LRRC7: variants seen among roughly 807,000 people sequenced by gnomAD.
LRRC7 encodes leucine-rich repeat-containing protein 7.
In LRRC7, 23 loss-of-function variants were observed where a neutral mutation model predicts 175.7. The observed-to-expected ratio is 0.13, with a 90% CI of 0.09 to 0.19. LRRC7 has a LOEUF of 0.19. Among genes scored for constraint, LRRC7 ranks in the 10% least tolerant of loss-of-function variants. The pLI, the probability that LRRC7 is intolerant of heterozygous loss-of-function variation, is 1.00. For missense variants in LRRC7, 1,354 were observed against 1,904.7 expected (o/e 0.71, Z 5.38); for synonymous variants, 685 against 680.9 (o/e 1.01, Z -0.09).
chr1:69,835,163 T>C (rs1322913293), intron 6 of LRRC7, among the ~76,000 whole-genome samples: 1 of 151,908 alleles, frequency 6.6e-6, no homozygotes, highest in African/African-American at 2.4e-5. Flanking sequence ...TATTTATGGC[T>C]CTTTTGTTGA....
chr1:69,628,924 A>G (rs1488414007), intron 1 of LRRC7, among the ~76,000 whole-genome samples: 1 of 152,184 alleles, frequency 6.6e-6, no homozygotes, highest in Non-Finnish European at 1.5e-5. Context: ...ATGGGCAGGA[A>G]AATGAATCTA....
intron 1 of LRRC7, among the ~76,000 whole-genome samples, chr1:69,646,122 C>T (rs1296479435): frequency 6.6e-6 from 1 of 151,852 alleles, no homozygotes; most frequent in Non-Finnish European, 1.5e-5. Flanking sequence ...GAGCTTACTC[C>T]CTTTTTTTCA....
intron 3 of LRRC7, among the ~76,000 whole-genome samples, chr1:69,786,094 A>T (rs1674378595): frequency 6.6e-6 from 1 of 152,082 alleles, no homozygotes; most frequent in African/African-American, 2.4e-5. Flanking sequence ...TGATTTTTTT[A>T]AATGATGTTA....
At chr1:69,680,588 G>A (rs1393026319) in intron 2 of LRRC7, among the ~76,000 whole-genome samples, 1 of 151,584 alleles carries the variant, frequency 6.6e-6, no homozygotes, top group Non-Finnish European at 1.5e-5. Flanking sequence ...CTCTTGCATA[G>A]AGGTCTTTAT....
chr1:69,848,253 A>G (rs909685741), intron 7 of LRRC7, among the ~76,000 whole-genome samples: 1 of 152,048 alleles, frequency 6.6e-6, no homozygotes, highest in African/African-American at 2.4e-5. Flanking sequence ...TATCTTGAAT[A>G]TATTAGCTGA....
chr1:70,113,057 G>A (rs544604155), intron 26 of LRRC7, among the ~76,000 whole-genome samples: 7 of 152,254 alleles, frequency 4.6e-5, no homozygotes, highest in African/African-American at 1.7e-4. Context: ...GGGAGACAGC[G>A]AGCAAGATAT....
At chr1:69,911,658 G>A (rs1646535126) in intron 7 of LRRC7, among the ~76,000 whole-genome samples, 1 of 152,164 alleles carries the variant, frequency 6.6e-6, no homozygotes, top group Non-Finnish European at 1.5e-5. Flanking sequence ...AGTTGCAAAA[G>A]AAATTTGGAT....
rs1477399091 is a variant in LRRC7 at position 70,143,193 on chromosome 1, T to G, written c.*21306T>G. 2.6e-5 allele frequency: 4 copies of G among 151,622 alleles called. No homozygotes were observed. The highest frequency in any genetic ancestry group is 5.9e-5 in the Non-Finnish European group (4 of 67,896). The allele number at this position is 151,622 out of a possible 1,614,324, so 9.4% of individuals were successfully genotyped here. On this transcript the variant is annotated 3_prime_UTR_variant, in exon 27 of 27. Coordinates refer to ENST00000651989, the MANE Select transcript of LRRC7 (RefSeq NM_001370785.2). The stretch of plus-strand genomic sequence containing the variant: ...CGCTATTTTAGTAAAATGAAGAGTC[T>G]CTAGACTTTTTTTTTTTTTTTAATG...
rs1664212103 is a variant in LRRC7, at chr1:70,093,960, G to A, written c.4545+4141G>A. Among the ~76,000 whole-genome samples, 2 of 152,168 alleles carry A rather than the reference G, an allele frequency of 1.3e-5. 1 individual carries two copies. The highest frequency in any genetic ancestry group is 2.9e-5 in the Non-Finnish European group (2 of 68,026). On this transcript the variant is annotated intron_variant, in intron 25 of 26. Transcript: ENST00000651989. The stretch of plus-strand genomic sequence containing the variant: ...ATTTTATAAGGCAACCCAGGACTCT[G>A]CAAATGAGAGAATTTTTAATGATGC...
rs952311685 is a variant in LRRC7 at position 70,127,760 on chromosome 1, C to A, written c.*5873C>A. Among the ~76,000 whole-genome samples the A allele has an allele frequency of 6.6e-6, 1 of 152,148 alleles. No homozygotes were observed. Among genetic ancestry groups the A allele is most frequent in the East Asian group, 1.9e-4 (1 of 5,190 alleles). On this transcript the variant is annotated 3_prime_UTR_variant, in exon 27 of 27. Transcript: ENST00000651989. Reference sequence around the variant, plus strand: ...TGTGCCTAATTTTGTTATGGCAGCACCTCAAAAGGTGGAAGGTTGTGAAAT... The same window carrying A: ...TGTGCCTAATTTTGTTATGGCAGCAACTCAAAAGGTGGAAGGTTGTGAAAT...
chr1:70,031,861 C>T (rs915373709), intron 18 of LRRC7, among the ~76,000 whole-genome samples: 1 of 150,862 alleles, frequency 6.6e-6, no homozygotes, highest in African/African-American at 2.4e-5. Context: ...TGCAGTGGTG[C>T]GATCTCAGCT....
intron 1 of LRRC7, among the ~76,000 whole-genome samples, chr1:69,676,073 A>T (rs555500037): frequency 6.6e-6 from 1 of 151,832 alleles, no homozygotes; most frequent in Non-Finnish European, 1.5e-5. Flanking sequence ...ATATGAATAG[A>T]CTGATTTCAG....
At chr1:69,750,779 C>T (rs1043934116) in intron 2 of LRRC7, among the ~76,000 whole-genome samples, 2 of 152,130 alleles carry the variant, frequency 1.3e-5, no homozygotes, top group East Asian at 3.9e-4. Flanking sequence ...AACTGGTTTC[C>T]TTTAGCCCTT....
At chr1:69,568,903 T>TATG (rs1645614039) in intron 1 of LRRC7, among the ~76,000 whole-genome samples, 1 of 152,188 alleles carries the variant, frequency 6.6e-6, no homozygotes, top group Non-Finnish European at 1.5e-5. Context: ...GCAAGAGACC[T>TATG]TAAAGGGTTA....
At chr1:69,621,110 T>A (rs975667301) in intron 1 of LRRC7, among the ~76,000 whole-genome samples, 1 of 151,914 alleles carries the variant, frequency 6.6e-6, no homozygotes, top group South Asian at 2.1e-4. Flanking sequence ...AATGGCGCAA[T>A]CTCATCTCAC....
rs1177384490 is a variant in LRRC7, at chr1:70,137,252, C to A, written c.*15365C>A. ...TTGACTCTGTCTTTCCAAGGAGTAA[C>A]CCTTTTGGGTCAAAGTCAGAGGGGG... On this transcript the variant is annotated 3_prime_UTR_variant, in exon 27 of 27. Transcript: ENST00000651989. 6.6e-6 allele frequency among the ~76,000 whole-genome samples: 1 copy of A among 152,104 alleles called. No individual in the cohort carries two copies. The highest frequency in any genetic ancestry group is 1.5e-5 in the Non-Finnish European group (1 of 68,030).
At chr1:69,764,734 T>C (rs11209539) in intron 3 of LRRC7, among the ~76,000 whole-genome samples, 18,328 of 73,072 alleles carry the variant, frequency 0.25, 1,166 homozygotes, top group East Asian at 0.31. Context: ...GATAGACAGA[T>C]AGATAGATAG....
At position 70,132,632 on chromosome 1, in the gene LRRC7, C is replaced by A. The variant is rs1199540698; in HGVS notation, c.*10745C>A. 6.6e-6 allele frequency among the ~76,000 whole-genome samples: 1 copy of A among 151,278 alleles called. No individual in the cohort carries two copies. The highest frequency in any genetic ancestry group is 1.5e-5 in the Non-Finnish European group (1 of 67,774). ...GATTACAGGCGCCTGCCACTGCACC[C>A]GGCTAATTTTTTGTATTTTTAGTAG... On this transcript the variant is annotated 3_prime_UTR_variant, in exon 27 of 27. Coordinates refer to ENST00000651989, the MANE Select transcript of LRRC7 (RefSeq NM_001370785.2).
chr1:70,062,143 C>CA (rs1661627262), intron 23 of LRRC7, among the ~76,000 whole-genome samples: 2 of 152,138 alleles, frequency 1.3e-5, no homozygotes. Context: ...TATATTAAGA[C>CA]ACCCCTTTAC....
Sources: gnomAD v4.1 joint callset for allele counts (sites outside exome capture counted in the v4.1 genomes callset) on GRCh38, gnomAD v4.1.1 for gene constraint, MANE v1.5 for transcripts, NCBI Gene and HGNC (gene_info 2026-07-23, HGNC 2026-07-21) for gene names.